Variants in SPAG16 observed in about 807,000 individuals in gnomAD.
The protein encoded by SPAG16 is sperm associated antigen 16, also known as sperm-associated antigen 16 protein.
Under a neutral mutation model 80.4 loss-of-function variants are expected in SPAG16, and 86 were observed. The observed-to-expected ratio is 1.07, with a 90% CI of 0.90 to 1.28. The LOEUF (loss-of-function observed/expected upper bound fraction) is 1.28. Ranked by LOEUF, SPAG16 falls within the 50% of genes most tolerant of loss-of-function variation. The pLI, the probability that SPAG16 is intolerant of heterozygous loss-of-function variation, is 0.00. For missense variants in SPAG16, 870 were observed against 765.3 expected (o/e 1.14, Z -1.61); for synonymous variants, 294 against 265.9 (o/e 1.11, Z -1.03).
intron 8 of SPAG16, among the ~76,000 whole-genome samples, chr2:213,369,186 C>T (rs2066497035): frequency 6.6e-6 from 1 of 152,042 alleles, no homozygotes; most frequent in Non-Finnish European, 1.5e-5. Flanking sequence ...AGATTTTTTG[C>T]AAGCCTATCT....
At chr2:213,785,403 T>G (rs973796444) in intron 10 of SPAG16, among the ~76,000 whole-genome samples, 1 of 152,194 alleles carries the variant, frequency 6.6e-6, no homozygotes, top group Non-Finnish European at 1.5e-5. Flanking sequence ...ATCAATAGTA[T>G]TTTACATGTT....
intron 10 of SPAG16, among the ~76,000 whole-genome samples, chr2:213,791,804 A>C (rs1023989251): frequency 2.0e-5 from 3 of 152,182 alleles, no homozygotes; most frequent in Non-Finnish European, 2.9e-5. Flanking sequence ...AAAATGTTTT[A>C]AGTCACGTTT....
At chr2:213,581,870 C>A (rs1218074794) in intron 10 of SPAG16, among the ~76,000 whole-genome samples, 1 of 152,104 alleles carries the variant, frequency 6.6e-6, no homozygotes, top group African/African-American at 2.4e-5. Flanking sequence ...TTGCTTGATG[C>A]CTTGCTTCAA....
chr2:213,784,626 T>TAAAAAAAAAA (rs71063777), intron 10 of SPAG16, among the ~76,000 whole-genome samples: 2 of 47,902 alleles, frequency 4.2e-5, no homozygotes, highest in Non-Finnish European at 4.0e-5. Flanking sequence ...CAATTATTTC[T>TAAAAAAAAAA]AAAAAAAAAA....
chr2:214,162,822 T>C (rs1294491147), intron 15 of SPAG16, among the ~76,000 whole-genome samples: 2 of 152,116 alleles, frequency 1.3e-5, no homozygotes, highest in African/African-American at 2.4e-5. Context: ...TTTGGAGTTA[T>C]CCCTTTTAAA....
intron 10 of SPAG16, among the ~76,000 whole-genome samples, chr2:213,544,756 G>A (rs1315998411): frequency 6.6e-6 from 1 of 152,000 alleles, no homozygotes; most frequent in Admixed American, 6.6e-5. Flanking sequence ...AACATGTCAT[G>A]TAGCTGGAAT....
chr2:213,324,827 T>G (rs1482474358), intron 5 of SPAG16, among the ~76,000 whole-genome samples: 1 of 152,124 alleles, frequency 6.6e-6, no homozygotes, highest in African/African-American at 2.4e-5. Flanking sequence ...TATTCCCACA[T>G]TCAAGTTGGT....
At chr2:213,937,759 C>A (rs1244925817) in intron 12 of SPAG16, among the ~76,000 whole-genome samples, 1 of 151,974 alleles carries the variant, frequency 6.6e-6, no homozygotes, top group African/African-American at 2.4e-5. Context: ...TTAGCAAGTT[C>A]TGTCATGTTT....
At chr2:213,361,569 T>G (rs1438330213) in intron 7 of SPAG16, among the ~76,000 whole-genome samples, 1 of 151,498 alleles carries the variant, frequency 6.6e-6, no homozygotes, top group Non-Finnish European at 1.5e-5. Context: ...AGTGTCTGAT[T>G]CTAGAGCTGG....
chr2:214,070,380 G>T (rs2050732627), intron 13 of SPAG16, among the ~76,000 whole-genome samples: 1 of 151,978 alleles, frequency 6.6e-6, no homozygotes, highest in Admixed American at 6.6e-5. Flanking sequence ...CATATGGTAT[G>T]GAGTAGATCT....
chr2:214,041,998 A>ATATACATACATACATATATATATATG (rs1477901768), intron 13 of SPAG16, among the ~76,000 whole-genome samples: 134 of 129,914 alleles, frequency 1.0e-3, no homozygotes, highest in Admixed American at 3.2e-3. Context: ...ATATATATAT[A>ATATACATACATACATATATATATATG]TATATATATA....
chr2:214,323,259 C>T (rs532742634), intron 15 of SPAG16, among the ~76,000 whole-genome samples: 259 of 152,168 alleles, frequency 1.7e-3, no homozygotes, highest in African/African-American at 6.1e-3. Flanking sequence ...GGTGACCTGG[C>T]ACACTTCTGT....
At chr2:213,591,345 T>A (rs2060682517) in intron 10 of SPAG16, among the ~76,000 whole-genome samples, 1 of 152,198 alleles carries the variant, frequency 6.6e-6, no homozygotes, top group Admixed American at 6.5e-5. Context: ...CAAACTCTAG[T>A]TTCTTTGTTC....
chr2:213,508,379 T>C lies in SPAG16; in HGVS notation c.1070+18289T>C, dbSNP rs553183442. Among the ~76,000 whole-genome samples, 4 of 152,274 alleles carry C rather than the reference T, an allele frequency of 2.6e-5. No homozygotes were observed. The East Asian group carries it at 7.7e-4, about 29-fold the overall frequency. On this transcript the variant is annotated intron_variant, in intron 10 of 15. Transcript: ENST00000331683. ...TGAGGTCAGGAGATCGAGACCATCC[T>C]GACTAACAAGGTGAAACCCCGTCTC... is the stretch of plus-strand genomic sequence containing the variant.
At chr2:214,269,996 C>A (rs978829094) in intron 15 of SPAG16, among the ~76,000 whole-genome samples, 2 of 152,102 alleles carry the variant, frequency 1.3e-5, no homozygotes, top group African/African-American at 4.8e-5. Context: ...AAGAGAATGT[C>A]TTTTGACTTT....
intron 15 of SPAG16, among the ~76,000 whole-genome samples, chr2:214,253,612 G>A (rs922771839): frequency 1.3e-5 from 2 of 152,140 alleles, no homozygotes; most frequent in African/African-American, 4.8e-5. Flanking sequence ...TCAGATTGTT[G>A]TAGATGTGTG....
At chr2:214,049,424 C>A (rs942401992) in intron 13 of SPAG16, among the ~76,000 whole-genome samples, 1 of 152,052 alleles carries the variant, frequency 6.6e-6, no homozygotes, top group African/African-American at 2.4e-5. Context: ...CTTGAGCTTT[C>A]TTTCAGAAGT....
intron 15 of SPAG16, among the ~76,000 whole-genome samples, chr2:214,247,306 AG>A (rs1689918880): frequency 6.6e-6 from 1 of 152,208 alleles, no homozygotes; most frequent in African/African-American, 2.4e-5. Context: ...CCAAAAAAAA[AG>A]AATCTTGAAT....
intron 7 of SPAG16, among the ~76,000 whole-genome samples, chr2:213,361,789 C>CCACACACACACACACACA (rs10585217): frequency 1.4e-5 from 2 of 140,002 alleles, no homozygotes; most frequent in African/African-American, 5.4e-5. Flanking sequence ...ACTGATAATG[C>CCACACACACACACACACA]CACACACACA....
Sources: gnomAD v4.1 joint callset for allele counts (sites outside exome capture counted in the v4.1 genomes callset) on GRCh38, gnomAD v4.1.1 for gene constraint, MANE v1.5 for transcripts, NCBI Gene and HGNC (gene_info 2026-07-23, HGNC 2026-07-21) for gene names.